The following SLC26A11 variants were observed in gnomAD, a reference collection of about 807,000 sequenced individuals.
SLC26A11 encodes solute carrier family 26 member 11.
A neutral mutation model predicts 62.2 loss-of-function variants in SLC26A11; 58 were observed. The observed-to-expected ratio is 0.93, with a 90% CI of 0.76 to 1.16. The LOEUF (loss-of-function observed/expected upper bound fraction) is 1.16. SLC26A11 is among the 50% of genes most tolerant of loss of function. SLC26A11 has a pLI of 0.00. For missense variants in SLC26A11, 790 were observed against 794.3 expected (o/e 0.99, Z 0.06); for synonymous variants, 411 against 368.9 (o/e 1.11, Z -1.31).
At chr17:80,247,030 G>A (rs1262676438) in intron 13 of SLC26A11, among the ~76,000 whole-genome samples, 2 of 151,492 alleles carry the variant, frequency 1.3e-5, no homozygotes, top group Non-Finnish European at 2.9e-5. Context: ...GAACAGCCTT[G>A]CACCCTGGCT....
chr17:80,221,720 G>T lies in SLC26A11; in HGVS notation c.160G>T (p.Ala54Ser), dbSNP rs372017696. The stretch of plus-strand genomic sequence containing the variant: ...GCAGTGGCTGAAGATGGATTTCGTC[G>T]CCGGCCTCTCAGTTGGCCTCACTGC... ...SLQWLKMDFV[A>S]GLSVGLTAIP... Residue 54 changes from alanine (A) to serine (S), a missense_variant, in exon 3 of 18, where the codon GCC (alanine) becomes TCC (serine). Ala to Ser is a moderately conservative substitution (Grantham distance 99, BLOSUM62 1). Coordinates refer to ENST00000361193, the MANE Select transcript of SLC26A11 (RefSeq NM_001166347.2). 9.5e-5 allele frequency: 154 copies of T among 1,613,618 alleles called. No individual in the cohort carries two copies. Among genetic ancestry groups the T allele is most frequent in the African/African-American group, 9.1e-4 (68 of 75,060 alleles).
At position 80,222,555 on chromosome 17, in the gene SLC26A11, C is replaced by A; in HGVS notation, c.235-100C>A. The A allele has an allele frequency of 1.6e-6, 2 of 1,279,092 alleles. No homozygotes were observed. The highest frequency in any genetic ancestry group is 1.3e-5 in the South Asian group (1 of 74,786). The allele number at this position is 1,279,092 out of a possible 1,614,324, so 79.2% of individuals were successfully genotyped here. On this transcript the variant is annotated intron_variant, in intron 3 of 17. Transcript: ENST00000361193. This position sits in a 1 kb window ranked among gnomAD's most constrained non-coding sequence, Gnocchi z 4.7. ...GGTGCACCTTTAACCTGGGCCTGGA[C>A]ACAGCTGACACCCACACATCCCGAG...
chr17:80,247,066 TTTA>T (rs1434259111), intron 13 of SLC26A11, among the ~76,000 whole-genome samples: 23 of 151,166 alleles, frequency 1.5e-4, no homozygotes, highest in African/African-American at 3.4e-4. Flanking sequence ...TTTTTTTTTT[TTTA>T]TTATTATTTT....
rs1567944620 is a variant in SLC26A11 at position 80,224,442 on chromosome 17, AGAGT to A, written c.513+1107_513+1110del. On this transcript the variant is annotated intron_variant, in intron 5 of 17. Coordinates refer to ENST00000361193, the MANE Select transcript of SLC26A11 (RefSeq NM_001166347.2). ...GTGAGTGAGAGTGGGTGTGGGTGTGAGAGTGTGAGTGTGAGAGTGTGAGTGTGTG... is the reference window on the plus strand; with the variant it reads ...GTGAGTGAGAGTGGGTGTGGGTGTGAGTGAGTGTGAGAGTGTGAGTGTGTG... 1.2e-4 allele frequency among the ~76,000 whole-genome samples: 15 copies of A among 120,322 alleles called. 1 individual carries two copies. In the South Asian group the frequency reaches 3.9e-3, roughly 31 times the overall value. The allele number at this position is 120,322 out of a possible 152,430, so 78.9% of individuals were successfully genotyped here.
chr17:80,221,735 G>GGCCT lies in SLC26A11; in HGVS notation c.176_179dup (p.Thr61ProfsTer12), dbSNP rs1371779923. 1 of 1,613,518 alleles carries GGCCT rather than the reference G, an allele frequency of 6.2e-7. No homozygotes were observed. Among genetic ancestry groups the GGCCT allele is most frequent in the Non-Finnish European group, 8.5e-7 (1 of 1,180,048 alleles). ...GGATTTCGTCGCCGGCCTCTCAGTT[G>GGCCT]GCCTCACTGCCATTCCCCAGGCGCT... On this transcript the variant is annotated frameshift_variant, in exon 3 of 18. Coordinates refer to ENST00000361193, the MANE Select transcript of SLC26A11 (RefSeq NM_001166347.2). LOFTEE classifies it high-confidence loss of function.
At chr17:80,247,541 C>A (rs2043040436) in intron 13 of SLC26A11, among the ~76,000 whole-genome samples, 1 of 152,238 alleles carries the variant, frequency 6.6e-6, no homozygotes, top group African/African-American at 2.4e-5. Flanking sequence ...TTCTGGTTAG[C>A]CCCAGCAAGT....
chr17:80,240,768 A>T (rs564112268), intron 9 of SLC26A11, among the ~76,000 whole-genome samples: 9 of 152,148 alleles, frequency 5.9e-5, no homozygotes, highest in Non-Finnish European at 1.3e-4. Flanking sequence ...ACTCCACTGC[A>T]CTCCAGCCTG....
At chr17:80,244,213 G>T (rs1354956085) in intron 10 of SLC26A11, among the ~76,000 whole-genome samples, 1 of 152,234 alleles carries the variant, frequency 6.6e-6, no homozygotes, top group East Asian at 1.9e-4. Flanking sequence ...ACAGATGCTG[G>T]TGGGAGCGTG....
chr17:80,243,862 C>G (rs1009170012), intron 10 of SLC26A11, among the ~76,000 whole-genome samples: 6 of 152,228 alleles, frequency 3.9e-5, no homozygotes, highest in Non-Finnish European at 8.8e-5. Context: ...AAGAAGCTGG[C>G]TGACGTGAGC....
Position 80,246,645 on chromosome 17 carries a change from T to G in SLC26A11, c.1290T>G (p.Val430=). Residue 430 remains valine, a synonymous_variant, in exon 13 of 18, where the codon GTT becomes GTG. Transcript: ENST00000361193. The surrounding 1 kb of genome is among the most constrained non-coding windows in gnomAD (Gnocchi z 4.4). ...AGATCTTCAGGACGCTCTGGCGTGT[T>G]AAGAGTACGTCCTTGTCCTACAGGG... ...DTKIFRTLWR[V]KRLDLLPLCV... is the part of the protein sequence containing the mutation. 1 of 1,613,566 alleles carries G rather than the reference T, an allele frequency of 6.2e-7. No individual in the cohort carries two copies. Among genetic ancestry groups the G allele is most frequent in the Non-Finnish European group, 8.5e-7 (1 of 1,179,850 alleles).
At chr17:80,249,496 T>A (rs545993871) in intron 16 of SLC26A11, among the ~76,000 whole-genome samples, 86 of 152,284 alleles carry the variant, frequency 5.6e-4, no homozygotes, top group African/African-American at 2.1e-3. Flanking sequence ...CCCCCAGCCC[T>A]CCGAGGGGTC....
At chr17:80,248,714 C>G (rs903718877) in intron 15 of SLC26A11, 40 bp downstream of exon 15, 2 of 1,522,666 alleles carry the variant, frequency 1.3e-6, no homozygotes, top group African/African-American at 2.8e-5. Flanking sequence ...GGTCACTCCC[C>G]TGTCCTCTGC....
At chr17:80,251,479 C>A (rs1008830048) in intron 17 of SLC26A11, 78 bp downstream of exon 17, 2 of 1,572,016 alleles carry the variant, frequency 1.3e-6, no homozygotes, top group Non-Finnish European at 1.7e-6. Flanking sequence ...ATATGGGAAA[C>A]CAGCTGGGCA....
rs757670522 is a variant in SLC26A11, at chr17:80,223,223, C to A, written c.428-29C>A. Reference sequence around the variant, plus strand: ...CTCTGGGACTGGGTGGAGCCGGGACCAGCTCGATGTCCCCTCTTGGCTGGC... The same window carrying A: ...CTCTGGGACTGGGTGGAGCCGGGACAAGCTCGATGTCCCCTCTTGGCTGGC... On this transcript the variant is annotated intron_variant, in intron 4 of 17. Coordinates refer to ENST00000361193, the MANE Select transcript of SLC26A11 (RefSeq NM_001166347.2). This position sits in a 1 kb window ranked among gnomAD's most constrained non-coding sequence, Gnocchi z 4.6. The A allele has an allele frequency of 8.1e-6, 13 of 1,601,876 alleles. No individual in the cohort carries two copies. In the East Asian group the frequency reaches 2.9e-4, roughly 36 times the overall value.
intron 15 of SLC26A11, among the ~76,000 whole-genome samples, 158 bp downstream of exon 15, chr17:80,248,832 G>A (rs2043082820): frequency 7.6e-6 from 1 of 130,848 alleles, no homozygotes; most frequent in Non-Finnish European, 1.8e-5. Flanking sequence ...GTGGGCCTCA[G>A]CCAGTGGCTG....
At chr17:80,221,289 G>C (rs927354336) in intron 2 of SLC26A11, 174 bp downstream of exon 2, 30 of 457,574 alleles carry the variant, frequency 6.6e-5, no homozygotes, top group Middle Eastern at 5.5e-4. Flanking sequence ...GAGAGTTGAG[G>C]ATGGAGGGAC....
intron 16 of SLC26A11, among the ~76,000 whole-genome samples, chr17:80,250,759 A>G (rs545328928): frequency 2.6e-5 from 4 of 152,198 alleles, no homozygotes; most frequent in African/African-American, 7.2e-5. Flanking sequence ...CCCGGGAGGC[A>G]GAGGTTGCAG....
Position 80,222,920 on chromosome 17 carries a change from C to T in SLC26A11, c.427+73C>T, listed in dbSNP as rs927763407. The T allele has an allele frequency of 4.5e-5, 67 of 1,495,932 alleles. No homozygotes were observed. Among genetic ancestry groups the T allele is most frequent in the Admixed American group, 3.6e-4 (20 of 55,898 alleles). The allele number at this position is 1,495,932 out of a possible 1,614,324, so 92.7% of individuals were successfully genotyped here. A position where few individuals can be genotyped will look rare whatever the true frequency, so the allele number is the denominator to read the frequency against. ...TGCTTGTTTGCATTTCAAGTCTATC[C>T]CCGTGTGCGTGTGTGTGCGTGTTGG... is the stretch of plus-strand genomic sequence containing the variant. On this transcript the variant is annotated intron_variant, in intron 4 of 17. Transcript: ENST00000361193. This position sits in a 1 kb window ranked among gnomAD's most constrained non-coding sequence, Gnocchi z 4.7.
In SLC26A11 at chr17:80,221,814, T is replaced by C; in HGVS notation, c.234+20T>C. 1 of 1,598,216 alleles carries C rather than the reference T, an allele frequency of 6.3e-7. No individual in the cohort carries two copies. Among genetic ancestry groups the C allele is most frequent in the Non-Finnish European group, 8.5e-7 (1 of 1,174,396 alleles). ...CCCCAGGTGAGGCGTCTGACCCTGCTGCCAGCCATATCTCAGAAACAGTGC... is the reference window on the plus strand; with the variant it reads ...CCCCAGGTGAGGCGTCTGACCCTGCCGCCAGCCATATCTCAGAAACAGTGC... On this transcript the variant is annotated intron_variant, in intron 3 of 17. Coordinates refer to ENST00000361193, the MANE Select transcript of SLC26A11 (RefSeq NM_001166347.2).
Sources: gnomAD v4.1 joint callset for allele counts (sites outside exome capture counted in the v4.1 genomes callset) on GRCh38, gnomAD v4.1.1 for gene constraint, Gnocchi (gnomAD v3.1) non-coding constraint, MANE v1.5 for transcripts, NCBI Gene and HGNC (gene_info 2026-07-23, HGNC 2026-07-21) for gene names.